Variants in PPARGC1A observed in about 807,000 individuals in gnomAD.
PPARGC1A encodes the protein PPARG coactivator 1 alpha.
In PPARGC1A, 25 loss-of-function variants were observed where a neutral mutation model predicts 88.7. The observed-to-expected ratio is 0.28, with a 90% confidence interval of 0.21 to 0.39. PPARGC1A has a LOEUF of 0.39. PPARGC1A is among the 10% of genes least tolerant of loss of function. The pLI, the probability that PPARGC1A is intolerant of heterozygous loss-of-function variation, is 1.00. For missense variants in PPARGC1A, 880 were observed against 968.7 expected, an observed-to-expected ratio of 0.91 and a Z score of 1.22; for synonymous variants, 363 against 355.6, an observed-to-expected ratio of 1.02 and a Z score of -0.24.
chr4:24,459,574 G>C, the PPARGC1A span, among the ~76,000 whole-genome samples: 2 of 152,046 alleles, frequency 1.3e-5, no homozygotes, highest in African/African-American at 4.8e-5. Context: ...GCAATAGCTT[G>C]AGCTCAGGAG....
the PPARGC1A span, among the ~76,000 whole-genome samples, chr4:24,001,974 G>A: frequency 6.6e-6 from 1 of 152,012 alleles, no homozygotes; most frequent in East Asian, 1.9e-4. Context: ...CAAGAAATGG[G>A]GGAAGGGCAC....
chr4:24,464,910 A>G, the PPARGC1A span, among the ~76,000 whole-genome samples: 2 of 152,204 alleles, frequency 1.3e-5, no homozygotes, highest in African/African-American at 2.4e-5. Flanking sequence ...CCCCAGTAGC[A>G]AGCTTCCCCT....
chr4:23,833,524 C>G (rs1203695680), intron 2 of PPARGC1A, among the ~76,000 whole-genome samples: 1 of 152,166 alleles, frequency 6.6e-6, no homozygotes, highest in Non-Finnish European at 1.5e-5. Flanking sequence ...TAGCAGTACC[C>G]ACACTTCCTT....
chr4:24,038,304 A>C, the PPARGC1A span, among the ~76,000 whole-genome samples: 684 of 152,300 alleles, frequency 4.5e-3, 7 homozygotes, highest in African/African-American at 0.016. Context: ...TGAGATTACT[A>C]TAACTCAGAA....
chr4:23,920,947 C>G, the PPARGC1A span, among the ~76,000 whole-genome samples: 1 of 151,916 alleles, frequency 6.6e-6, no homozygotes, highest in African/African-American at 2.4e-5. Flanking sequence ...AGGACCCAGC[C>G]TGGGCTTGCC....
At chr4:23,846,995 C>G (rs58300355) in intron 2 of PPARGC1A, among the ~76,000 whole-genome samples, 3,983 of 152,184 alleles carry the variant, frequency 0.026, 167 homozygotes, top group African/African-American at 0.091. Context: ...AGTAGTGACT[C>G]TCAATGTTGG....
the PPARGC1A span, among the ~76,000 whole-genome samples, chr4:23,961,062 A>G: frequency 1.4e-4 from 21 of 152,248 alleles, no homozygotes; most frequent in African/African-American, 5.1e-4. Flanking sequence ...TGCGTGTGTA[A>G]TTTTTCTAGA....
chr4:23,880,939 A>G (rs952045610), intron 2 of PPARGC1A: 1 of 152,238 alleles, frequency 6.6e-6, no homozygotes, highest in African/African-American at 2.4e-5. Context: ...GAAGTAACAG[A>G]CGAATGAATG....
the PPARGC1A span, among the ~76,000 whole-genome samples, chr4:24,152,136 T>G: frequency 6.6e-6 from 1 of 152,210 alleles, no homozygotes; most frequent in African/African-American, 2.4e-5. Context: ...GATTTTTCTT[T>G]CTTCGATTTA....
the PPARGC1A span, among the ~76,000 whole-genome samples, chr4:24,057,051 T>C: frequency 3.6e-4 from 55 of 152,162 alleles, no homozygotes; most frequent in Non-Finnish European, 7.5e-4. Flanking sequence ...TGGAAGTAAC[T>C]CAAGTATCCA....
chr4:24,248,725 G>C, the PPARGC1A span, among the ~76,000 whole-genome samples: 322 of 152,282 alleles, frequency 2.1e-3, 3 homozygotes, highest in African/African-American at 7.4e-3. Context: ...GCGTTTCAAG[G>C]TTAATGCATG....
chr4:24,263,752 T>A, the PPARGC1A span, among the ~76,000 whole-genome samples: 1 of 152,144 alleles, frequency 6.6e-6, no homozygotes, highest in African/African-American at 2.4e-5. Context: ...CTCTTCCTTA[T>A]GATTTTTATT....
chr4:23,936,040 T>C, the PPARGC1A span, among the ~76,000 whole-genome samples: 1 of 152,216 alleles, frequency 6.6e-6, no homozygotes, highest in African/African-American at 2.4e-5. Context: ...GTATTGATAT[T>C]ACTGCATATG....
At chr4:23,917,618 C>A in the PPARGC1A span, among the ~76,000 whole-genome samples, 1 of 152,120 alleles carries the variant, frequency 6.6e-6, no homozygotes, top group African/African-American at 2.4e-5. Context: ...CCACCACGCC[C>A]GGCTTTTCTG....
chr4:24,228,218 T>C, the PPARGC1A span, among the ~76,000 whole-genome samples: 2 of 152,164 alleles, frequency 1.3e-5, no homozygotes, highest in African/African-American at 2.4e-5. Flanking sequence ...TCAGCTCCCA[T>C]AGAAATAAAG....
the PPARGC1A span, among the ~76,000 whole-genome samples, chr4:24,200,107 A>T: frequency 6.6e-6 from 1 of 152,204 alleles, no homozygotes; most frequent in Admixed American, 6.5e-5. Flanking sequence ...AATATTAAAA[A>T]TATAGATAAA....
chr4:24,161,652 T>C, the PPARGC1A span, among the ~76,000 whole-genome samples: 385 of 152,234 alleles, frequency 2.5e-3, 2 homozygotes, highest in African/African-American at 9.0e-3. Flanking sequence ...TTTCATTTCA[T>C]TGAAGATAAA....
At chr4:23,864,694 G>A (rs573501764) in intron 2 of PPARGC1A, among the ~76,000 whole-genome samples, 1 of 152,178 alleles carries the variant, frequency 6.6e-6, no homozygotes, top group Non-Finnish European at 1.5e-5. Context: ...CAGCAAACTG[G>A]TTTCTGATCC....
the PPARGC1A span, among the ~76,000 whole-genome samples, chr4:23,975,107 T>C: frequency 3.9e-5 from 6 of 152,292 alleles, no homozygotes; most frequent in African/African-American, 9.6e-5. Flanking sequence ...TATTATTAGC[T>C]AACTATTTAA....
Sources: allele counts gnomAD v4.1 joint callset (sites outside exome capture counted in the v4.1 genomes callset), GRCh38; gene constraint gnomAD v4.1.1; transcripts MANE v1.5; gene names NCBI Gene and HGNC (gene_info 2026-07-23, HGNC 2026-07-21).